Variants in RBFOX1 observed in about 807,000 individuals in gnomAD.
RBFOX1 encodes RNA binding fox-1 homolog 1.
A neutral mutation model predicts 57.7 loss-of-function variants in RBFOX1; 8 were observed. That is an observed-to-expected ratio of 0.14 (90% CI 0.08 to 0.25). The LOEUF (loss-of-function observed/expected upper bound fraction) is 0.25. Ranked by LOEUF, RBFOX1 falls within the 10% of genes least tolerant of loss-of-function variation. RBFOX1 has a pLI of 1.00. For missense variants in RBFOX1, 611 were observed against 548.5 expected (o/e 1.11, Z -1.14); for synonymous variants, 326 against 222.4 (o/e 1.47, Z -4.15).
chr16:5,722,154 A>C (rs1405879956), intron 3 of RBFOX1, among the ~76,000 whole-genome samples: 12 of 152,220 alleles, frequency 7.9e-5, no homozygotes. Flanking sequence ...AATATTACCA[A>C]GTCCTATAAA....
chr16:6,983,955 A>C (rs772887851), intron 3 of RBFOX1, among the ~76,000 whole-genome samples: 1 of 152,162 alleles, frequency 6.6e-6, no homozygotes, highest in Non-Finnish European at 1.5e-5. Context: ...TAAGTGTAAA[A>C]TCCTGGATCT....
intron 3 of RBFOX1, among the ~76,000 whole-genome samples, chr16:6,963,277 T>C (rs2153553443): frequency 6.6e-6 from 1 of 152,308 alleles, no homozygotes; most frequent in Middle Eastern, 3.4e-3. Context: ...TTAGGGTCTT[T>C]CAACAGTGAC....
intron 5 of RBFOX1, among the ~76,000 whole-genome samples, chr16:7,545,789 C>T (rs1354075722): frequency 3.3e-5 from 5 of 152,074 alleles, no homozygotes; most frequent in Non-Finnish European, 5.9e-5. Context: ...GGTCTTGGGT[C>T]TCAGCTCTGC....
chr16:6,368,774 AGCCCAT>A (rs2090025935), intron 2 of RBFOX1, among the ~76,000 whole-genome samples: 1 of 152,242 alleles, frequency 6.6e-6, no homozygotes, highest in African/African-American at 2.4e-5. Flanking sequence ...AGAGAGGAAG[AGCCCAT>A]GCCCTCTGTT....
intron 3 of RBFOX1, among the ~76,000 whole-genome samples, chr16:7,001,181 G>C (rs1199828412): frequency 6.6e-6 from 1 of 152,064 alleles, no homozygotes; most frequent in Non-Finnish European, 1.5e-5. Context: ...TATTCCAAAG[G>C]AGACTAATGA....
chr16:6,810,985 A>C (rs2088396065), intron 3 of RBFOX1, among the ~76,000 whole-genome samples: 1 of 152,206 alleles, frequency 6.6e-6, no homozygotes, highest in Non-Finnish European at 1.5e-5. Context: ...GCTATTCCAG[A>C]ACGGATTTAC....
chr16:5,934,210 G>C (rs188523017), intron 4 of RBFOX1, among the ~76,000 whole-genome samples: 1 of 152,330 alleles, frequency 6.6e-6, no homozygotes, highest in African/African-American at 2.4e-5. Flanking sequence ...AAATCCTGTA[G>C]GGAGAAAGGC....
intron 6 of RBFOX1, among the ~76,000 whole-genome samples, chr16:7,582,782 A>G (rs1180811806): frequency 1.3e-5 from 2 of 152,224 alleles, no homozygotes; most frequent in Non-Finnish European, 2.9e-5. Context: ...GAGGACAATT[A>G]CAGAGAAAAA....
intron 3 of RBFOX1, among the ~76,000 whole-genome samples, chr16:6,788,542 C>G (rs996645813): frequency 6.6e-6 from 1 of 151,758 alleles, no homozygotes; most frequent in Non-Finnish European, 1.5e-5. Flanking sequence ...GTGGCGTGAT[C>G]TCGGCTCACT....
intron 4 of RBFOX1, among the ~76,000 whole-genome samples, chr16:5,887,208 G>A (rs1180153212): frequency 6.6e-6 from 1 of 152,142 alleles, no homozygotes. Flanking sequence ...AGTCCATTCA[G>A]GGATTCACTG....
intron 3 of RBFOX1, among the ~76,000 whole-genome samples, chr16:5,709,412 C>A (rs1291279002): frequency 6.6e-6 from 1 of 152,082 alleles, no homozygotes; most frequent in Admixed American, 6.5e-5. Context: ...AGACAACTGG[C>A]AGAATAATGA....
At chr16:6,925,128 TTTTTTTTTTTTTTTTTTTTTTTTG>T in intron 3 of RBFOX1, among the ~76,000 whole-genome samples, 2 of 92,216 alleles carry the variant, frequency 2.2e-5, no homozygotes, top group East Asian at 3.2e-4. Flanking sequence ...TTTTTTTTTT[TTTTTTTTTTTTTTTTTTTTTTTTG>T]AGATGGAGTT....
intron 3 of RBFOX1, among the ~76,000 whole-genome samples, chr16:6,817,847 A>G (rs1033418291): frequency 3.3e-5 from 5 of 152,128 alleles, no homozygotes. Flanking sequence ...TGTGAATGTG[A>G]CTCATATCAG....
At chr16:6,757,658 G>T (rs937431365) in intron 3 of RBFOX1, among the ~76,000 whole-genome samples, 6 of 152,254 alleles carry the variant, frequency 3.9e-5, no homozygotes, top group Admixed American at 3.9e-4. Context: ...GGTAGAGAAG[G>T]TGGGATGAGG....
At chr16:5,406,227 G>T (rs1293192368) in intron 1 of RBFOX1, among the ~76,000 whole-genome samples, 7 of 152,174 alleles carry the variant, frequency 4.6e-5, no homozygotes, top group African/African-American at 1.7e-4. Context: ...TGATGGCGGG[G>T]GGGATTTCCA....
At chr16:7,070,046 C>T (rs768408694) in intron 4 of RBFOX1, among the ~76,000 whole-genome samples, 1 of 152,214 alleles carries the variant, frequency 6.6e-6, no homozygotes, top group Non-Finnish European at 1.5e-5. Context: ...CCCTCCTCCT[C>T]TTTTTCCTCT....
chr16:5,405,169 G>A (rs184674973), intron 1 of RBFOX1, among the ~76,000 whole-genome samples: 1 of 152,292 alleles, frequency 6.6e-6, no homozygotes, highest in East Asian at 1.9e-4. Flanking sequence ...TGTGTGGTGT[G>A]CCCAGGGTGG....
At chr16:6,881,052 C>G (rs1415413350) in intron 3 of RBFOX1, among the ~76,000 whole-genome samples, 1 of 152,192 alleles carries the variant, frequency 6.6e-6, no homozygotes, top group Non-Finnish European at 1.5e-5. Context: ...ATGCCTGTGG[C>G]AGACATTGCT....
At chr16:6,808,768 G>C (rs372469519) in intron 3 of RBFOX1, among the ~76,000 whole-genome samples, 1 of 152,178 alleles carries the variant, frequency 6.6e-6, no homozygotes, top group East Asian at 1.9e-4. Context: ...CTCTGGGTCT[G>C]GGTATTAACT....
Sources: allele counts gnomAD v4.1 joint callset (sites outside exome capture counted in the v4.1 genomes callset), GRCh38; gene constraint gnomAD v4.1.1; transcripts MANE v1.5; gene names NCBI Gene and HGNC (gene_info 2026-07-23, HGNC 2026-07-21).